Variants in GKAP1 observed in about 807,000 individuals in gnomAD.
GKAP1 encodes G kinase anchoring protein 1.
Under a neutral mutation model 56.7 loss-of-function variants are expected in GKAP1, and 31 were observed. The observed-to-expected ratio is 0.55, with a 90% confidence interval of 0.41 to 0.74. The LOEUF (loss-of-function observed/expected upper bound fraction) is 0.74, where lower values mean the gene tolerates loss of function less well. GKAP1 is among the 30% of genes least tolerant of loss of function. The pLI is 0.00. For synonymous variants in GKAP1, 151 were observed against 138.6 expected, an observed-to-expected ratio of 1.09 and a Z score of -0.63; for missense variants, 364 against 402.3, an observed-to-expected ratio of 0.90 and a Z score of 0.82.
rs1307525721 is a variant in GKAP1 at position 83,767,120 on chromosome 9, TA to T, written c.738+1697del. ...AATGCAGACATAGAGGTCTGAGAGG[TA>T]ACACACTTTCTCTGTATGATGGAAT... On this transcript the variant is annotated intron_variant, in intron 8 of 12. Transcript: ENST00000376371. Among the ~76,000 whole-genome samples, 4 of 152,322 alleles carry T rather than the reference TA, an allele frequency of 2.6e-5. No homozygotes were observed. The South Asian group carries it at 8.3e-4, about 32-fold the overall frequency.
At chr9:83,802,758 T>C (rs1339604745) in intron 3 of GKAP1, among the ~76,000 whole-genome samples, 3 of 151,546 alleles carry the variant, frequency 2.0e-5, no homozygotes, top group Non-Finnish European at 4.4e-5. Flanking sequence ...ACCCAGGAGT[T>C]TGAGGCTACA....
intron 7 of GKAP1, 121 bp downstream of exon 7, chr9:83,780,259 CAA>C: frequency 1.7e-6 from 1 of 599,306 alleles, no homozygotes; most frequent in Non-Finnish European, 3.0e-6. Context: ...TGGGTTCACT[CAA>C]GACAAACCTA....
At chr9:83,805,974 A>G (rs1169868204) in intron 3 of GKAP1, among the ~76,000 whole-genome samples, 2 of 152,120 alleles carry the variant, frequency 1.3e-5, no homozygotes, top group East Asian at 3.9e-4. Context: ...AAAATTAGCC[A>G]GGCATGGCAG....
At chr9:83,787,599 C>T (rs1030262620) in intron 5 of GKAP1, among the ~76,000 whole-genome samples, 14 of 152,146 alleles carry the variant, frequency 9.2e-5, no homozygotes, top group Admixed American at 7.2e-4. Context: ...GACCAGAGGC[C>T]ATTTATGATC....
At chr9:83,757,053 T>C (rs937708169) in intron 8 of GKAP1, among the ~76,000 whole-genome samples, 1 of 152,164 alleles carries the variant, frequency 6.6e-6, no homozygotes, top group Non-Finnish European at 1.5e-5. Flanking sequence ...CTATTAAAAA[T>C]GACAGGGAAA....
At position 83,739,606 on chromosome 9, in the gene GKAP1, A is replaced by G; in HGVS notation, c.*91T>C. The G allele has an allele frequency of 1.1e-6, 1 of 926,272 alleles. No individual in the cohort carries two copies. Among genetic ancestry groups the G allele is most frequent in the Non-Finnish European group, 1.6e-6 (1 of 612,416 alleles). 57.4% of individuals were successfully genotyped at this position (926,272 alleles called of 1,614,324 possible). A position where few individuals can be genotyped will look rare whatever the true frequency, so the allele number is the denominator to read the frequency against. The stretch of plus-strand genomic sequence containing the variant: ...TTTTAGTTCCTTCAAGAAAAACTGC[A>G]TAGTTTAGCAGTTGCACAGCATTAA... On this transcript the variant is annotated 3_prime_UTR_variant, in exon 13 of 13. Coordinates refer to ENST00000376371, the MANE Select transcript of GKAP1 (RefSeq NM_025211.4).
intron 2 of GKAP1, among the ~76,000 whole-genome samples, chr9:83,816,127 T>C (rs1587750249): frequency 6.7e-6 from 1 of 148,628 alleles, no homozygotes; most frequent in Non-Finnish European, 1.5e-5. Flanking sequence ...AGGCAGAAGG[T>C]GCTGTGAGCC....
intron 8 of GKAP1, among the ~76,000 whole-genome samples, chr9:83,756,470 CAAAAAAAAAAAAA>C (rs142896755): frequency 1.7e-4 from 13 of 75,428 alleles, no homozygotes; most frequent in African/African-American, 6.1e-4. Context: ...GACTCCATCT[CAAAAAAAAAAAAA>C]AAAAAAAAAG....
intron 3 of GKAP1, among the ~76,000 whole-genome samples, chr9:83,805,855 G>A (rs920635117): frequency 3.3e-5 from 5 of 152,142 alleles, no homozygotes; most frequent in Admixed American, 6.5e-5. Flanking sequence ...GGTGGCTCAC[G>A]CCTGTAATCC....
intron 7 of GKAP1, among the ~76,000 whole-genome samples, chr9:83,779,776 G>GT (rs1304074859): frequency 2.0e-5 from 3 of 151,574 alleles, no homozygotes; most frequent in African/African-American, 7.3e-5. Flanking sequence ...CATTTCATTA[G>GT]TATCTTCCTC....
intron 8 of GKAP1, among the ~76,000 whole-genome samples, chr9:83,757,247 C>G (rs1053418601): frequency 1.3e-5 from 2 of 152,102 alleles, no homozygotes; most frequent in Non-Finnish European, 2.9e-5. Context: ...GGGACCCACT[C>G]AGCATTCTGT....
Position 83,742,105 on chromosome 9 carries a change from T to C in GKAP1, c.976-76A>G, listed in dbSNP as rs967146573. 4.6e-6 allele frequency: 4 copies of C among 867,464 alleles called. No homozygotes were observed. In the Admixed American group the frequency reaches 1.0e-4, roughly 22 times the overall value. The allele number at this position is 867,464 out of a possible 1,614,324, so 53.7% of individuals were successfully genotyped here. ...TACTCAATTCTTAACATATTCACAA[T>C]GATAGGTTTTTGACAGCTAAATGGA... is the stretch of plus-strand genomic sequence containing the variant. On this transcript the variant is annotated intron_variant, in intron 11 of 12. Coordinates refer to ENST00000376371, the MANE Select transcript of GKAP1 (RefSeq NM_025211.4).
chr9:83,768,697 A>T (rs1943704912), intron 8 of GKAP1, 121 bp downstream of exon 8: 2 of 812,086 alleles, frequency 2.5e-6, no homozygotes, highest in Non-Finnish European at 3.9e-6. Flanking sequence ...AATTACTAAG[A>T]TCATATCCTA....
intron 7 of GKAP1, among the ~76,000 whole-genome samples, chr9:83,771,913 T>C (rs1473630741): frequency 6.6e-6 from 1 of 152,100 alleles, no homozygotes; most frequent in African/African-American, 2.4e-5. Flanking sequence ...TTGTTGATAG[T>C]TGCTCCCATT....
chr9:83,768,403 T>A (rs1328264286), intron 8 of GKAP1, among the ~76,000 whole-genome samples: 1 of 152,192 alleles, frequency 6.6e-6, no homozygotes, highest in East Asian at 1.9e-4. Flanking sequence ...AGTGATCAAT[T>A]ACCTTTGCTA....
intron 2 of GKAP1, among the ~76,000 whole-genome samples, chr9:83,811,627 T>C (rs1280982041): frequency 6.6e-6 from 1 of 152,186 alleles, no homozygotes; most frequent in Non-Finnish European, 1.5e-5. Flanking sequence ...TGTGTTAACA[T>C]GTCTGAAAGG....
At chr9:83,755,957 A>C (rs888067908) in intron 8 of GKAP1, among the ~76,000 whole-genome samples, 1 of 151,882 alleles carries the variant, frequency 6.6e-6, no homozygotes, top group Non-Finnish European at 1.5e-5. Flanking sequence ...GGCGCCTGCC[A>C]CCACTGCTGG....
chr9:83,740,100 G>A (rs529140618), intron 12 of GKAP1, among the ~76,000 whole-genome samples: 1 of 152,178 alleles, frequency 6.6e-6, no homozygotes, highest in African/African-American at 2.4e-5. Flanking sequence ...CATATGATCA[G>A]CAAATTTAGT....
chr9:83,783,583 T>C (rs1230124182), intron 6 of GKAP1, among the ~76,000 whole-genome samples: 3 of 152,222 alleles, frequency 2.0e-5, no homozygotes, highest in Admixed American at 1.3e-4. Context: ...TCTTCTCCAT[T>C]TGATAAAAAA....
Sources: gnomAD v4.1 joint callset for allele counts (sites outside exome capture counted in the v4.1 genomes callset) on GRCh38, gnomAD v4.1.1 for gene constraint, MANE v1.5 for transcripts, NCBI Gene and HGNC (gene_info 2026-07-23, HGNC 2026-07-21) for gene names.